Variants in ZBTB20 observed in about 807,000 individuals in gnomAD.
ZBTB20 encodes zinc finger and BTB domain-containing protein 20.
ZBTB20 carries 9 observed loss-of-function variants against 56.9 expected under a neutral mutation model. The ratio of observed to expected loss-of-function variants is 0.16; its 90% CI spans 0.10 to 0.28. The LOEUF is 0.28. Ranked by LOEUF, ZBTB20 falls within the 10% of genes least tolerant of loss-of-function variation. ZBTB20 has a pLI of 1.00. For missense variants in ZBTB20, 655 were observed against 1,003.0 expected (o/e 0.65, Z 4.69); for synonymous variants, 417 against 420.7 (o/e 0.99, Z 0.11).
In ZBTB20 at chr3:114,702,932, AT is replaced by A. The variant is rs748235297; in HGVS notation, c.-342-9358del. ...AGTATTCGTTCAAAATAATTTATAA[AT>A]TGAAAAGTATACTCCATTTTATTCA... On this transcript the variant is annotated intron_variant, in intron 5 of 11. Transcript: ENST00000675478. Among the ~76,000 whole-genome samples the A allele has an allele frequency of 3.3e-5, 5 of 151,894 alleles. No individual in the cohort carries two copies. The East Asian group carries it at 5.9e-4, about 18-fold the overall frequency.
At chr3:114,879,559 C>T (rs1183279684) in intron 4 of ZBTB20, among the ~76,000 whole-genome samples, 1 of 152,136 alleles carries the variant, frequency 6.6e-6, no homozygotes, top group Admixed American at 6.5e-5. Flanking sequence ...AAATCCCTTG[C>T]TCCATGAGGA....
At chr3:115,091,221 C>T (rs1168415640) in intron 1 of ZBTB20, among the ~76,000 whole-genome samples, 1 of 151,898 alleles carries the variant, frequency 6.6e-6, no homozygotes, top group Non-Finnish European at 1.5e-5. Flanking sequence ...CCTCAGTTTC[C>T]TCTTCTAAAA....
chr3:114,551,161 G>A (rs986470250), intron 6 of ZBTB20, among the ~76,000 whole-genome samples: 3 of 152,134 alleles, frequency 2.0e-5, no homozygotes, highest in South Asian at 4.2e-4. Context: ...TTTTTTAATC[G>A]ATTAAAAATA....
chr3:114,859,630 A>T (rs2075422626), intron 4 of ZBTB20, among the ~76,000 whole-genome samples: 1 of 146,272 alleles, frequency 6.8e-6, no homozygotes, highest in Non-Finnish European at 1.5e-5. Flanking sequence ...CTATTTCCAA[A>T]CATTCTTATA....
At chr3:114,921,593 C>G (rs917311101) in intron 3 of ZBTB20, among the ~76,000 whole-genome samples, 1 of 151,488 alleles carries the variant, frequency 6.6e-6, no homozygotes, top group African/African-American at 2.4e-5. Context: ...GGATATACAC[C>G]ATCAGCAAGC....
intron 4 of ZBTB20, among the ~76,000 whole-genome samples, chr3:114,820,191 A>G (rs979620584): frequency 6.6e-6 from 1 of 152,004 alleles, no homozygotes; most frequent in African/African-American, 2.4e-5. Context: ...AGAGTAGGAG[A>G]AATAATAGTG....
chr3:115,090,360 T>C (rs1170697446), intron 1 of ZBTB20, among the ~76,000 whole-genome samples: 1 of 151,882 alleles, frequency 6.6e-6, no homozygotes, highest in Non-Finnish European at 1.5e-5. Context: ...GAAAAGAATT[T>C]TTTTCATATT....
At chr3:114,420,172 A>T in intron 7 of ZBTB20, among the ~76,000 whole-genome samples, 1 of 152,088 alleles carries the variant, frequency 6.6e-6, no homozygotes, top group East Asian at 1.9e-4. Context: ...TTTTCATCTC[A>T]ACTAGATTTA....
At chr3:114,489,026 C>T (rs974596874) in intron 7 of ZBTB20, among the ~76,000 whole-genome samples, 1 of 152,106 alleles carries the variant, frequency 6.6e-6, no homozygotes, top group African/African-American at 2.4e-5. Flanking sequence ...GAAAGATAAA[C>T]AGGACTGTAT....
At chr3:115,036,072 G>A (rs2080904945) in intron 2 of ZBTB20, among the ~76,000 whole-genome samples, 1 of 152,054 alleles carries the variant, frequency 6.6e-6, no homozygotes. Context: ...TTGCTGGTGG[G>A]AAGGAAAAAT....
At chr3:114,931,700 G>C (rs748305390) in intron 3 of ZBTB20, among the ~76,000 whole-genome samples, 2 of 151,456 alleles carry the variant, frequency 1.3e-5, no homozygotes, top group African/African-American at 2.4e-5. Flanking sequence ...TGTTGTTTTT[G>C]TGTGTTTTTT....
chr3:114,659,040 C>T (rs909335826), intron 6 of ZBTB20, among the ~76,000 whole-genome samples: 8 of 152,188 alleles, frequency 5.3e-5, no homozygotes, highest in African/African-American at 1.4e-4. Context: ...CAGGTTATCT[C>T]GTCAACCTCT....
At chr3:114,392,291 T>C (rs144566619) in intron 7 of ZBTB20, among the ~76,000 whole-genome samples, 110 of 152,344 alleles carry the variant, frequency 7.2e-4, no homozygotes, top group African/African-American at 2.0e-3. Context: ...TTGGATTGTT[T>C]GTAACACAAA....
At chr3:114,544,087 T>A (rs2049433094) in intron 6 of ZBTB20, among the ~76,000 whole-genome samples, 1 of 152,202 alleles carries the variant, frequency 6.6e-6, no homozygotes, top group African/African-American at 2.4e-5. Context: ...AACATTCTTA[T>A]CTCCTGTGAC....
intron 4 of ZBTB20, among the ~76,000 whole-genome samples, chr3:114,868,074 C>T (rs1420833990): frequency 6.6e-6 from 1 of 152,124 alleles, no homozygotes; most frequent in Non-Finnish European, 1.5e-5. Context: ...TTTCTCCCAT[C>T]ATCTAAGCTA....
Position 114,978,425 on chromosome 3 carries a change from C to T in ZBTB20, c.-506-4009G>A, listed in dbSNP as rs1227238096. Reference sequence around the variant, plus strand: ...ATGAAAGAAATGCAAATTAAATAAACTAAAATATTTTAGAATAGTGAACTG... The same window carrying T: ...ATGAAAGAAATGCAAATTAAATAAATTAAAATATTTTAGAATAGTGAACTG... On this transcript the variant is annotated intron_variant, in intron 2 of 11. Coordinates refer to ENST00000675478, the MANE Select transcript of ZBTB20 (RefSeq NM_001348800.3). Among the ~76,000 whole-genome samples the T allele has an allele frequency of 2.7e-5, 4 of 150,874 alleles. No homozygotes were observed. The Admixed American group carries it at 2.7e-4, about 10-fold the overall frequency.
intron 5 of ZBTB20, among the ~76,000 whole-genome samples, chr3:114,784,835 T>C (rs1365234049): frequency 1.3e-5 from 2 of 152,218 alleles, no homozygotes; most frequent in African/African-American, 4.8e-5. Context: ...CTCTTTAGGA[T>C]AGCCTATGAA....
At chr3:114,876,710 G>T (rs2076214055) in intron 4 of ZBTB20, among the ~76,000 whole-genome samples, 1 of 151,992 alleles carries the variant, frequency 6.6e-6, no homozygotes, top group South Asian at 2.1e-4. Context: ...ATTAATTTGG[G>T]ACTACAACAT....
intron 5 of ZBTB20, among the ~76,000 whole-genome samples, chr3:114,760,286 G>A (rs893634617): frequency 5.9e-5 from 9 of 152,100 alleles, no homozygotes; most frequent in African/African-American, 1.9e-4. Context: ...GCACAGCCTC[G>A]TTATTCAAGA....
Sources: allele counts gnomAD v4.1 joint callset (sites outside exome capture counted in the v4.1 genomes callset), GRCh38; gene constraint gnomAD v4.1.1; transcripts MANE v1.5; gene names NCBI Gene and HGNC (gene_info 2026-07-23, HGNC 2026-07-21).